Variants in SMG7 observed in about 807,000 individuals in gnomAD.
SMG7 encodes the protein nonsense-mediated mRNA decay factor SMG7.
A neutral mutation model predicts 148.2 loss-of-function variants in SMG7; 34 were observed. The observed-to-expected ratio is 0.23, with a 90% CI of 0.17 to 0.31. The LOEUF is 0.31. SMG7 is among the 10% of genes least tolerant of loss of function. The pLI is 1.00. For synonymous variants in SMG7, 492 were observed against 515.1 expected (o/e 0.96, Z 0.61); for missense variants, 1,114 against 1,408.4 (o/e 0.79, Z 3.35).
chr1:183,477,484 A>ATGTGTGTG (rs1557935114), intron 1 of SMG7, among the ~76,000 whole-genome samples: 16,888 of 143,320 alleles, frequency 0.12, 6,164 homozygotes, highest in East Asian at 0.21. Context: ...GCATATATAC[A>ATGTGTGTG]CGTGTGTGCA....
At chr1:183,501,790 G>A (rs1040059500) in intron 1 of SMG7, among the ~76,000 whole-genome samples, 5 of 152,036 alleles carry the variant, frequency 3.3e-5, no homozygotes, top group Non-Finnish European at 5.9e-5. Context: ...AATGAGAATC[G>A]AAAAACGTGA....
chr1:183,515,099 A>C (rs1663171063), intron 2 of SMG7, among the ~76,000 whole-genome samples: 1 of 152,194 alleles, frequency 6.6e-6, no homozygotes, highest in Non-Finnish European at 1.5e-5. Flanking sequence ...TGTGCCTTGC[A>C]TGACTCTGGC....
At position 183,552,179 on chromosome 1, in the gene SMG7, T is replaced by C. The variant is rs1671178571; in HGVS notation, c.*248T>C. On this transcript the variant is annotated 3_prime_UTR_variant, in exon 23 of 23. Transcript: ENST00000688051. ...AGGGAGAGAGAGAGGAACTGCTGTT[T>C]ATCTCACTCAGTTACTTGGTATCAC... The C allele has an allele frequency of 8.7e-7, 1 of 1,148,266 alleles. No individual in the cohort carries two copies. Among genetic ancestry groups the C allele is most frequent in the East Asian group, 4.5e-5 (1 of 22,466 alleles). The allele number at this position is 1,148,266 out of a possible 1,614,324, so 71.1% of individuals were successfully genotyped here. A position where few individuals can be genotyped will look rare whatever the true frequency, so the allele number is the denominator to read the frequency against.
rs1224232767 is a variant in SMG7, at chr1:183,549,100, A to G, written c.2893-108A>G. The stretch of plus-strand genomic sequence containing the variant: ...ATCTTCTGAGCCTCAAATTGTACTC[A>G]GTGGGCGAATACAGGCATGCTTTTG... On this transcript the variant is annotated intron_variant, in intron 18 of 22. Coordinates refer to ENST00000688051, the MANE Select transcript of SMG7 (RefSeq NM_001375584.1). The G allele has an allele frequency of 2.3e-5, 17 of 754,206 alleles. No homozygotes were observed. In the African/African-American group the frequency reaches 2.8e-4, roughly 12 times the overall value. The allele number at this position is 754,206 out of a possible 1,614,324, so 46.7% of individuals were successfully genotyped here. A position where few individuals can be genotyped will look rare whatever the true frequency, so the allele number is the denominator to read the frequency against.
intron 12 of SMG7, among the ~76,000 whole-genome samples, chr1:183,539,599 C>T (rs1029087853): frequency 1.3e-5 from 2 of 152,272 alleles, no homozygotes; most frequent in South Asian, 2.1e-4. Flanking sequence ...TAAACTTTAA[C>T]GTGACCAAAA....
chr1:183,484,424 G>A lies in SMG7; in HGVS notation c.29+11775G>A, dbSNP rs561113488. On this transcript the variant is annotated intron_variant, in intron 1 of 22. Coordinates refer to ENST00000688051, the MANE Select transcript of SMG7 (RefSeq NM_001375584.1). Reference sequence around the variant, plus strand: ...ATGGATGAGGAACTCACCGATAGAGGGCCAGCTCATACCACAATAACCCTC... The same window carrying A: ...ATGGATGAGGAACTCACCGATAGAGAGCCAGCTCATACCACAATAACCCTC... Among the ~76,000 whole-genome samples, 3 of 150,928 alleles carry A rather than the reference G, an allele frequency of 2.0e-5. No individual in the cohort carries two copies. The East Asian group carries it at 5.8e-4, about 29-fold the overall frequency.
chr1:183,547,029 C>G, intron 17 of SMG7, 74 bp from the exon 18 acceptor site: 1 of 1,395,818 alleles, frequency 7.2e-7, no homozygotes, highest in Non-Finnish European at 9.6e-7. Context: ...TCTTCTTCCA[C>G]CTAATTATGC....
rs1666035612 is a variant in SMG7, at chr1:183,527,207, G to A, written c.484+440G>A. On this transcript the variant is annotated intron_variant, in intron 5 of 22. Coordinates refer to ENST00000688051, the MANE Select transcript of SMG7 (RefSeq NM_001375584.1). This position sits in a 1 kb window ranked among gnomAD's most constrained non-coding sequence, Gnocchi z 4.0. ...TTGCTTCCTTTTTAAAGTTTAATTT[G>A]TATTTCTATTATTTGCATTTTATCT... 6.6e-6 allele frequency among the ~76,000 whole-genome samples: 1 copy of A among 152,012 alleles called. No homozygotes were observed. The highest frequency in any genetic ancestry group is 1.5e-5 in the Non-Finnish European group (1 of 67,978).
Position 183,533,683 on chromosome 1 carries a change from T to C in SMG7, c.1014T>C (p.Phe338=). The C allele has an allele frequency of 2.5e-6, 4 of 1,597,422 alleles. No individual in the cohort carries two copies. The highest frequency in any genetic ancestry group is 3.4e-6 in the Non-Finnish European group (4 of 1,172,926). The change falls in exon 10 of 23, where the codon TTT becomes TTC. Residue 338 remains phenylalanine (F), a synonymous_variant. Coordinates refer to ENST00000688051, the MANE Select transcript of SMG7 (RefSeq NM_001375584.1). ...WTQLLALFMS[F]LGILCKCPLQ... is the part of the protein sequence containing the mutation. ...ATACATTTTTTTTTCAAGTGTCTTT[T>C]CTTGGCATCCTGTGCAAGTGTCCTC...
At chr1:183,542,767 A>G (rs1174063526) in intron 14 of SMG7, among the ~76,000 whole-genome samples, 1 of 152,158 alleles carries the variant, frequency 6.6e-6, no homozygotes, top group Non-Finnish European at 1.5e-5. Flanking sequence ...TTAGTTGCAG[A>G]GTTGTCAGTT....
At chr1:183,506,686 G>T (rs556689597) in intron 1 of SMG7, among the ~76,000 whole-genome samples, 1 of 150,278 alleles carries the variant, frequency 6.7e-6, no homozygotes, top group Non-Finnish European at 1.5e-5. Context: ...AACTCCCAGC[G>T]TGTTCTCCCA....
intron 4 of SMG7, among the ~76,000 whole-genome samples, chr1:183,523,951 G>GTA (rs532308066): frequency 2.8e-4 from 42 of 149,052 alleles, no homozygotes; most frequent in African/African-American, 9.8e-4. Context: ...ATATATGTAG[G>GTA]TATATATATA....
intron 1 of SMG7, chr1:183,473,805 G>A: frequency 1.0e-6 from 1 of 985,258 alleles, no homozygotes; most frequent in South Asian, 4.7e-5. Context: ...AGTTGGATGA[G>A]GTGGAAGTCT....
At chr1:183,486,995 G>C (rs1264506662) in intron 1 of SMG7, among the ~76,000 whole-genome samples, 4 of 152,178 alleles carry the variant, frequency 2.6e-5, no homozygotes, top group Non-Finnish European at 5.9e-5. Context: ...TAGGTTTTTA[G>C]TTGCAAGGAA....
intron 7 of SMG7, 132 bp downstream of exon 7, chr1:183,529,174 A>C (rs1020397739): frequency 8.0e-6 from 8 of 994,538 alleles, no homozygotes; most frequent in Non-Finnish European, 1.2e-5. Context: ...GATTTTTCAT[A>C]ATTTGTGTAT....
intron 10 of SMG7, among the ~76,000 whole-genome samples, chr1:183,535,859 T>C (rs1320717881): frequency 6.6e-6 from 1 of 151,328 alleles, no homozygotes; most frequent in Non-Finnish European, 1.5e-5. Flanking sequence ...TAGTATTCTC[T>C]TTTAGTTTAC....
Position 183,540,971 on chromosome 1 carries a change from G to A in SMG7, c.1296-13G>A, listed in dbSNP as rs1222804123. 6.2e-7 allele frequency: 1 copy of A among 1,610,880 alleles called. No individual in the cohort carries two copies. The highest frequency in any genetic ancestry group is 8.5e-7 in the Non-Finnish European group (1 of 1,178,082). ...AATTTAATATTCTCATAACTTGCTT[G>A]TGTCAATTTTAGGAACTTGGATTTT... On this transcript the variant is annotated splice_polypyrimidine_tract_variant and intron_variant, in intron 12 of 22. Coordinates refer to ENST00000688051, the MANE Select transcript of SMG7 (RefSeq NM_001375584.1).
chr1:183,516,598 A>G (rs902524662), intron 3 of SMG7, among the ~76,000 whole-genome samples: 2 of 152,240 alleles, frequency 1.3e-5, no homozygotes, highest in Admixed American at 6.5e-5. Flanking sequence ...ACAAATTGGA[A>G]CAGGGACATT....
At chr1:183,538,645 C>G (rs767612159) in intron 12 of SMG7, among the ~76,000 whole-genome samples, 21 of 152,220 alleles carry the variant, frequency 1.4e-4, no homozygotes, top group Non-Finnish European at 2.5e-4. Context: ...TAAAATGTAA[C>G]CTTTCCATCT....
Sources: allele counts gnomAD v4.1 joint callset (sites outside exome capture counted in the v4.1 genomes callset), GRCh38; gene constraint gnomAD v4.1.1; non-coding constraint Gnocchi (gnomAD v3.1); transcripts MANE v1.5; gene names NCBI Gene and HGNC (gene_info 2026-07-23, HGNC 2026-07-21).